The following OR10H5 variants were observed in gnomAD, a reference collection of about 807,000 sequenced individuals.
OR10H5 encodes olfactory receptor family 10 subfamily H member 5, also known as olfactory receptor 10H5.
OR10H5 carries 7 observed loss-of-function variants against 12.2 expected under a neutral mutation model. That is an observed-to-expected ratio of 0.57 (90% CI 0.33 to 1.07). The LOEUF (loss-of-function observed/expected upper bound fraction) is 1.07. Among genes scored for constraint, OR10H5 ranks in the 50% least tolerant of loss-of-function variants. The probability of loss-of-function intolerance (pLI) is 0.04; values close to 1 mark genes in which losing one functional copy is unlikely to be tolerated. For missense variants in OR10H5, 346 were observed against 411.6 expected, an observed-to-expected ratio of 0.84 and a Z score of 1.38; for synonymous variants, 159 against 175.1, an observed-to-expected ratio of 0.91 and a Z score of 0.73.
At chr19:15,790,017 C>T (rs2088802526) in intron 1 of OR10H5, among the ~76,000 whole-genome samples, 1 of 152,066 alleles carries the variant, frequency 6.6e-6, no homozygotes, top group South Asian at 2.1e-4. Context: ...AAACTCCTGG[C>T]CTCAAGTGAT....
chr19:15,791,441 T>TACACACAC lies in OR10H5; in HGVS notation c.-11-2569_-11-2562dup, dbSNP rs35542150. On this transcript the variant is annotated intron_variant, in intron 1 of 1. Transcript: ENST00000642092. The stretch of plus-strand genomic sequence containing the variant: ...TATCTATATAGTTATATAGATACCA[T>TACACACAC]ACACACACACACACACACACACACA... Among the ~76,000 whole-genome samples, 1,237 of 147,542 alleles carry TACACACAC rather than the reference T, an allele frequency of 8.4e-3. 15 individuals are homozygous for TACACACAC. Among genetic ancestry groups the TACACACAC allele is most frequent in the South Asian group, 0.025 (116 of 4,594 alleles).
At chr19:15,793,048 C>G (rs1011231968) in intron 1 of OR10H5, among the ~76,000 whole-genome samples, 1 of 151,926 alleles carries the variant, frequency 6.6e-6, no homozygotes, top group African/African-American at 2.4e-5. Context: ...GAGGTTCTTA[C>G]TACGGGCCAA....
intron 1 of OR10H5, among the ~76,000 whole-genome samples, chr19:15,788,370 C>T (rs2088793318): frequency 6.6e-6 from 1 of 152,172 alleles, no homozygotes; most frequent in Non-Finnish European, 1.5e-5. Flanking sequence ...TGATTTGTAG[C>T]TGCATCGCTC....
intron 1 of OR10H5, among the ~76,000 whole-genome samples, chr19:15,791,559 A>C (rs754695): frequency 0.37 from 55,469 of 151,758 alleles, 10,841 homozygotes; most frequent in East Asian, 0.78. Context: ...CATTGATATG[A>C]ACAACAGGGG....
In OR10H5 at chr19:15,794,906, C is replaced by A; in HGVS notation, c.858C>A (p.Leu286=). The change falls in exon 2 of 2, where the codon CTC becomes CTA. Residue 286 remains leucine (L), a synonymous_variant. Transcript: ENST00000642092. ...CCTACACGGTCCTCACACCCTTCCT[C>A]AGCCCCATCATCTTCAGCCTCAGGA... is the stretch of plus-strand genomic sequence containing the variant. ...GITYTVLTPF[L]SPIIFSLRNK... 1 of 1,614,204 alleles carries A rather than the reference C, an allele frequency of 6.2e-7. No individual in the cohort carries two copies. The highest frequency in any genetic ancestry group is 8.5e-7 in the Non-Finnish European group (1 of 1,180,042).
intron 1 of OR10H5, among the ~76,000 whole-genome samples, chr19:15,789,120 G>A (rs2088797517): frequency 1.3e-5 from 2 of 152,132 alleles, no homozygotes; most frequent in South Asian, 4.2e-4. Flanking sequence ...CATGAGTTTT[G>A]GAGGGACATG....
At chr19:15,790,707 G>T (rs1250013073) in intron 1 of OR10H5, among the ~76,000 whole-genome samples, 1 of 152,156 alleles carries the variant, frequency 6.6e-6, no homozygotes, top group Non-Finnish European at 1.5e-5. Context: ...CTATGCTGCA[G>T]TTGTTGGCTT....
At position 15,797,594 on chromosome 19, in the gene OR10H5, G is replaced by T. The variant is rs368081538; in HGVS notation, c.*2598G>T. 46 of 152,128 alleles carry T rather than the reference G, an allele frequency of 3.0e-4. No homozygotes were observed. The highest frequency in any genetic ancestry group is 1.1e-3 in the African/African-American group (45 of 41,416). The allele number at this position is 152,128 out of a possible 1,614,324, so 9.4% of individuals were successfully genotyped here. A position where few individuals can be genotyped will look rare whatever the true frequency, so the allele number is the denominator to read the frequency against. ...ATTGTGTAAATTTGAAACAACCGGA[G>T]AAGTTGGGCTTAGTGTTGTTTTTAT... On this transcript the variant is annotated 3_prime_UTR_variant, in exon 2 of 2. Coordinates refer to ENST00000642092, the MANE Select transcript of OR10H5 (RefSeq NM_001004466.2).
rs570768335 is a variant in OR10H5 at position 15,792,965 on chromosome 19, G to A, written c.-11-1073G>A. 5.6e-4 allele frequency among the ~76,000 whole-genome samples: 59 copies of A among 105,300 alleles called. 1 individual carries two copies. Among genetic ancestry groups the A allele is most frequent in the African/African-American group, 1.8e-3 (48 of 26,486 alleles). The allele number at this position is 105,300 out of a possible 152,430, so 69.1% of individuals were successfully genotyped here. ...TCTGAAGTGGGGATCCAACCCAGGTGTGGCTGAATAGAGACCACCGAGATT... is the reference window on the plus strand; with the variant it reads ...TCTGAAGTGGGGATCCAACCCAGGTATGGCTGAATAGAGACCACCGAGATT... On this transcript the variant is annotated intron_variant, in intron 1 of 1. Coordinates refer to ENST00000642092, the MANE Select transcript of OR10H5 (RefSeq NM_001004466.2).
In OR10H5 at chr19:15,795,302, T is replaced by C; in HGVS notation, c.*306T>C. ...ATACCTCTCTGTCTCTGTCACTCTCTTTCTCCCTCCTTGTTCTTTTGTTTT... is the reference window on the plus strand; with the variant it reads ...ATACCTCTCTGTCTCTGTCACTCTCCTTCTCCCTCCTTGTTCTTTTGTTTT... On this transcript the variant is annotated 3_prime_UTR_variant, in exon 2 of 2. Coordinates refer to ENST00000642092, the MANE Select transcript of OR10H5 (RefSeq NM_001004466.2). 2.9e-6 allele frequency: 1 copy of C among 341,734 alleles called. No homozygotes were observed. Among genetic ancestry groups the C allele is most frequent in the South Asian group, 5.2e-5 (1 of 19,344 alleles). 21.2% of individuals were successfully genotyped at this position (341,734 alleles called of 1,614,324 possible).
Position 15,792,854 on chromosome 19 carries a change from T to A in OR10H5, c.-11-1184T>A, listed in dbSNP as rs375160092. Among the ~76,000 whole-genome samples, 8 of 152,240 alleles carry A rather than the reference T, an allele frequency of 5.3e-5. No individual in the cohort carries two copies. The East Asian group carries it at 7.7e-4, about 15-fold the overall frequency. On this transcript the variant is annotated intron_variant, in intron 1 of 1. Transcript: ENST00000642092. ...TTATTAAATCCTCATAACAACCCTG[T>A]CAATTTGGGATTATTATCCATTTCT...
rs147572070 is a variant in OR10H5, at chr19:15,798,266, G to A, written c.*3270G>A. On this transcript the variant is annotated 3_prime_UTR_variant, in exon 2 of 2. Coordinates refer to ENST00000642092, the MANE Select transcript of OR10H5 (RefSeq NM_001004466.2). ...GTTCAGTGAGAACACAGCAGGTCTG[G>A]GGGTGTCAACTCTCCATGCCCCAGG... 6.6e-6 allele frequency: 1 copy of A among 152,126 alleles called. No homozygotes were observed. Among genetic ancestry groups the A allele is most frequent in the African/African-American group, 2.4e-5 (1 of 41,512 alleles). 9.4% of individuals were successfully genotyped at this position (152,126 alleles called of 1,614,324 possible).
intron 1 of OR10H5, among the ~76,000 whole-genome samples, chr19:15,790,625 G>T (rs2088805641): frequency 6.6e-6 from 1 of 152,094 alleles, no homozygotes; most frequent in South Asian, 2.1e-4. Context: ...CCCTGCTATA[G>T]AGGGGGAGGG....
chr19:15,795,119 C>T lies in OR10H5; in HGVS notation c.*123C>T, dbSNP rs1248435389. ...CCTCCCTTCCTTCCTTCTTTCCTTC[C>T]TCCCTCCCTCCTTTCCTCCCTCCTT... is the stretch of plus-strand genomic sequence containing the variant. On this transcript the variant is annotated 3_prime_UTR_variant, in exon 2 of 2. Transcript: ENST00000642092. 2.9e-5 allele frequency: 23 copies of T among 795,494 alleles called. No homozygotes were observed. Among genetic ancestry groups the T allele is most frequent in the Admixed American group, 1.7e-4 (6 of 35,052 alleles). The allele number at this position is 795,494 out of a possible 1,614,324, so 49.3% of individuals were successfully genotyped here.
At chr19:15,792,144 T>A (rs1454523488) in intron 1 of OR10H5, among the ~76,000 whole-genome samples, 2 of 152,218 alleles carry the variant, frequency 1.3e-5, no homozygotes, top group Non-Finnish European at 2.9e-5. Context: ...TGTCAGCTAA[T>A]TCCCTCTTTA....
At chr19:15,791,698 T>TA (rs2088810002) in intron 1 of OR10H5, among the ~76,000 whole-genome samples, 1 of 148,912 alleles carries the variant, frequency 6.7e-6, no homozygotes, top group Non-Finnish European at 1.5e-5. Flanking sequence ...TATTATTATT[T>TA]TTTTTTTTTT....
Position 15,794,574 on chromosome 19 carries a change from C to T in OR10H5, c.526C>T (p.His176Tyr). 6.2e-7 allele frequency: 1 copy of T among 1,614,216 alleles called. No homozygotes were observed. ...LAFCGHKEIH[H>Y]FFCHVPPLLK... ...CTTCTGTGGACACAAGGAGATCCAC[C>T]ATTTCTTCTGCCACGTGCCACCTCT... Residue 176 changes from histidine to tyrosine, a missense_variant, in exon 2 of 2, where the codon CAT becomes TAT. Transcript: ENST00000642092.
rs2088855767 is a variant in OR10H5 at position 15,799,261 on chromosome 19, G to A, written c.*4265G>A. The A allele has an allele frequency of 6.6e-6, 1 of 152,134 alleles. No homozygotes were observed. Among genetic ancestry groups the A allele is most frequent in the Admixed American group, 6.5e-5 (1 of 15,270 alleles). 9.4% of individuals were successfully genotyped at this position (152,134 alleles called of 1,614,324 possible). A position where few individuals can be genotyped will look rare whatever the true frequency, so the allele number is the denominator to read the frequency against. On this transcript the variant is annotated 3_prime_UTR_variant, in exon 2 of 2. Transcript: ENST00000642092. ...GTAAACCAAGCACACCCGGACCCCAGGAACCTTGCATCTACTCTTTTTTTT... is the reference window on the plus strand; with the variant it reads ...GTAAACCAAGCACACCCGGACCCCAAGAACCTTGCATCTACTCTTTTTTTT...
Position 15,799,419 on chromosome 19 carries a change from A to G in OR10H5, c.*4423A>G, listed in dbSNP as rs1372631244. 6.6e-6 allele frequency: 1 copy of G among 152,162 alleles called. No individual in the cohort carries two copies. The highest frequency in any genetic ancestry group is 1.5e-5 in the Non-Finnish European group (1 of 68,038). 9.4% of individuals were successfully genotyped at this position (152,162 alleles called of 1,614,324 possible). ...CAGGTTTGGTGCTAACTGACAAAGTATCTTGCGGCAGGTAGAAATAATCAG... is the reference window on the plus strand; with the variant it reads ...CAGGTTTGGTGCTAACTGACAAAGTGTCTTGCGGCAGGTAGAAATAATCAG... On this transcript the variant is annotated 3_prime_UTR_variant, in exon 2 of 2. Coordinates refer to ENST00000642092, the MANE Select transcript of OR10H5 (RefSeq NM_001004466.2).
Sources: gnomAD v4.1 joint callset for allele counts (sites outside exome capture counted in the v4.1 genomes callset) on GRCh38, gnomAD v4.1.1 for gene constraint, MANE v1.5 for transcripts, NCBI Gene and HGNC (gene_info 2026-07-23, HGNC 2026-07-21) for gene names.